The following SRRM4 variants were observed in gnomAD, a reference collection of about 807,000 sequenced individuals.
SRRM4 encodes serine/arginine repetitive matrix protein 4.
A neutral mutation model predicts 68.9 loss-of-function variants in SRRM4; 33 were observed. The observed-to-expected ratio is 0.48, with a 90% CI of 0.36 to 0.64. The LOEUF is 0.64. Ranked by LOEUF, SRRM4 falls within the 30% of genes least tolerant of loss-of-function variation. The pLI is 0.00. For synonymous variants in SRRM4, 318 were observed against 318.8 expected, an observed-to-expected ratio of 1.00 and a Z score of 0.03; for missense variants, 817 against 827.1, an observed-to-expected ratio of 0.99 and a Z score of 0.15.
At chr12:119,059,997 G>A (rs1953800824) in intron 1 of SRRM4, among the ~76,000 whole-genome samples, 1 of 152,126 alleles carries the variant, frequency 6.6e-6, no homozygotes, top group African/African-American at 2.4e-5. Context: ...TCTGTATGCT[G>A]AGGAACCATG....
chr12:119,020,982 G>T (rs79166415), intron 1 of SRRM4, among the ~76,000 whole-genome samples: 1 of 152,188 alleles, frequency 6.6e-6, no homozygotes, highest in African/African-American at 2.4e-5. Context: ...TAGAGACGGT[G>T]GGGGGAGGCG....
chr12:119,154,925 G>A lies in SRRM4; in HGVS notation c.1532+542G>A, dbSNP rs770858608. ...CCCAAAGGGACCTAGAGGGAGCCAC[G>A]GTGGATAAGCCGGAGAGCACTGGAT... On this transcript the variant is annotated intron_variant, in intron 12 of 12. Transcript: ENST00000267260. This position sits in a 1 kb window ranked among gnomAD's most constrained non-coding sequence, Gnocchi z 4.7. Among the ~76,000 whole-genome samples the A allele has an allele frequency of 6.6e-6, 1 of 152,196 alleles. No individual in the cohort carries two copies. Among genetic ancestry groups the A allele is most frequent in the African/African-American group, 2.4e-5 (1 of 41,452 alleles).
intron 3 of SRRM4, among the ~76,000 whole-genome samples, chr12:119,116,520 T>TA (rs1466151711): frequency 6.6e-6 from 1 of 152,108 alleles, no homozygotes; most frequent in Non-Finnish European, 1.5e-5. Flanking sequence ...TGTGAGGTGC[T>TA]ATGGTGACTG....
At chr12:119,073,820 G>T (rs1291452384) in intron 1 of SRRM4, among the ~76,000 whole-genome samples, 2 of 152,002 alleles carry the variant, frequency 1.3e-5, no homozygotes, top group Admixed American at 6.6e-5. Flanking sequence ...ATAGACATAG[G>T]TCTCGCTATG....
chr12:119,072,491 G>A (rs1445908613), intron 1 of SRRM4, among the ~76,000 whole-genome samples: 2 of 152,196 alleles, frequency 1.3e-5, no homozygotes, highest in African/African-American at 2.4e-5. Context: ...TTGGGGAAGG[G>A]AGGGTGAAGC....
In SRRM4 at chr12:119,005,642, G is replaced by A. The variant is rs761408913; in HGVS notation, c.131+23629G>A. On this transcript the variant is annotated intron_variant, in intron 1 of 12. Transcript: ENST00000267260. ...CCTTCTTCTGTAAATTAGAGCTAAC[G>A]GTGAAACCTACCTCATCCAGGGTCC... Among the ~76,000 whole-genome samples, 5 of 152,068 alleles carry A rather than the reference G, an allele frequency of 3.3e-5. No homozygotes were observed. In the East Asian group the frequency reaches 5.8e-4, roughly 18 times the overall value.
chr12:119,087,536 G>A lies in SRRM4; in HGVS notation c.132-14700G>A, dbSNP rs537157514. 4.2e-3 allele frequency among the ~76,000 whole-genome samples: 637 copies of A among 152,256 alleles called. 5 individuals are homozygous for A. The highest frequency in any genetic ancestry group is 0.033 in the South Asian group (160 of 4,822). On this transcript the variant is annotated intron_variant, in intron 1 of 12. Coordinates refer to ENST00000267260, the MANE Select transcript of SRRM4 (RefSeq NM_194286.4). ...TCATTGCAAATTCCAAATTAGTGAG[G>A]TTTCATGGTCCCCAGAAACGCGCTG...
At chr12:118,995,989 T>C (rs1953347126) in intron 1 of SRRM4, among the ~76,000 whole-genome samples, 1 of 152,192 alleles carries the variant, frequency 6.6e-6, no homozygotes, top group African/African-American at 2.4e-5. Context: ...TATTTTCTTT[T>C]TTCTTTTCCC....
At chr12:118,998,357 T>A (rs1953363014) in intron 1 of SRRM4, among the ~76,000 whole-genome samples, 1 of 149,980 alleles carries the variant, frequency 6.7e-6, no homozygotes, top group Non-Finnish European at 1.5e-5. Context: ...AGCACTGTAT[T>A]GAGATGGACT....
rs542735443 is a variant in SRRM4, at chr12:119,129,408, G to A, written c.615-1270G>A. Among the ~76,000 whole-genome samples, 18 of 148,532 alleles carry A rather than the reference G, an allele frequency of 1.2e-4. No individual in the cohort carries two copies. The East Asian group carries it at 3.4e-3, about 28-fold the overall frequency. On this transcript the variant is annotated intron_variant, in intron 7 of 12. Transcript: ENST00000267260. ...TCTAGACGTGACAAACTTGCAGAAGGCATCTCTGTCATTTTTGTCAGCCAT... is the reference window on the plus strand; with the variant it reads ...TCTAGACGTGACAAACTTGCAGAAGACATCTCTGTCATTTTTGTCAGCCAT...
intron 1 of SRRM4, among the ~76,000 whole-genome samples, chr12:119,070,978 A>G (rs2136026117): frequency 6.6e-6 from 1 of 152,298 alleles, no homozygotes; most frequent in African/African-American, 2.4e-5. Context: ...ACTGGCTATG[A>G]GCTGATGAAG....
At chr12:119,050,768 T>C in intron 1 of SRRM4, among the ~76,000 whole-genome samples, 1 of 152,234 alleles carries the variant, frequency 6.6e-6, no homozygotes, top group East Asian at 1.9e-4. Context: ...TCAAACTATG[T>C]TATCTAGAAC....
At chr12:119,082,855 T>C (rs529835863) in intron 1 of SRRM4, among the ~76,000 whole-genome samples, 1 of 152,342 alleles carries the variant, frequency 6.6e-6, no homozygotes, top group East Asian at 1.9e-4. Context: ...GTCCCTTCTC[T>C]GAGCCTTATA....
At chr12:119,125,600 A>G in intron 7 of SRRM4, 121 bp downstream of exon 7, 1 of 788,582 alleles carries the variant, frequency 1.3e-6, no homozygotes, top group East Asian at 2.9e-5. Context: ...CCTCAGACTC[A>G]GCAGCTGGCA....
chr12:119,132,786 A>G (rs1349568670), intron 8 of SRRM4, among the ~76,000 whole-genome samples: 1 of 152,146 alleles, frequency 6.6e-6, no homozygotes, highest in African/African-American at 2.4e-5. Context: ...TAATGCTCTG[A>G]TTACTAAGAA....
chr12:119,063,651 T>C (rs1592882948), intron 1 of SRRM4, among the ~76,000 whole-genome samples: 1 of 152,170 alleles, frequency 6.6e-6, no homozygotes, highest in East Asian at 1.9e-4. Flanking sequence ...AGAACCAAGG[T>C]ATTAATTAAC....
intron 1 of SRRM4, among the ~76,000 whole-genome samples, chr12:119,026,811 ACAGGCATGAGCCACTTTGC>A (rs1197454940): frequency 4.6e-5 from 7 of 152,278 alleles, no homozygotes; most frequent in African/African-American, 1.7e-4. Flanking sequence ...TGCTGGGATT[ACAGGCATGAGCCACTTTGC>A]CAGGCCCACA....
At chr12:118,999,732 C>A (rs891820087) in intron 1 of SRRM4, among the ~76,000 whole-genome samples, 1 of 152,170 alleles carries the variant, frequency 6.6e-6, no homozygotes, top group Non-Finnish European at 1.5e-5. Context: ...AAATTGAACT[C>A]AGAGAGGTCA....
intron 10 of SRRM4, among the ~76,000 whole-genome samples, chr12:119,151,977 A>G (rs141308436): frequency 2.0e-4 from 31 of 152,318 alleles, no homozygotes; most frequent in African/African-American, 7.0e-4. Context: ...GGATGTGGAC[A>G]CTGGGAGAAG....
Sources: allele counts gnomAD v4.1 joint callset (sites outside exome capture counted in the v4.1 genomes callset), GRCh38; gene constraint gnomAD v4.1.1; non-coding constraint Gnocchi (gnomAD v3.1); transcripts MANE v1.5; gene names NCBI Gene and HGNC (gene_info 2026-07-23, HGNC 2026-07-21).